Variants in SLC6A16 observed in about 807,000 individuals in gnomAD.
SLC6A16 encodes the protein solute carrier family 6 member 16.
A neutral mutation model predicts 65.4 loss-of-function variants in SLC6A16; 54 were observed. The ratio of observed to expected loss-of-function variants is 0.83; its 90% confidence interval spans 0.66 to 1.04. SLC6A16 has a LOEUF of 1.04. Ranked by LOEUF, SLC6A16 falls within the 50% of genes least tolerant of loss-of-function variation. The pLI is 0.00. For synonymous variants in SLC6A16, 330 were observed against 346.5 expected (o/e 0.95, Z 0.53); for missense variants, 816 against 914.0 (o/e 0.89, Z 1.38).
At chr19:49,321,457 C>T (rs1484766042) in intron 1 of SLC6A16, among the ~76,000 whole-genome samples, 1 of 151,810 alleles carries the variant, frequency 6.6e-6, no homozygotes, top group African/African-American at 2.4e-5. Context: ...AGCCTGGGGC[C>T]AGGTGCAGTG....
rs763446114 is a variant in SLC6A16, at chr19:49,309,801, G to A, written c.726C>T (p.Pro242=). The change falls in exon 5 of 12, where the codon CCC becomes CCT. Residue 242 remains proline (P), a synonymous_variant. Coordinates refer to ENST00000335875, the MANE Select transcript of SLC6A16 (RefSeq NM_014037.3). The part of the protein sequence containing the change: ...GFDPECERTT[P]SIYFWYQQAL... ...CCTGCTGGTACCAGAAGTATATGGA[G>A]GGTGTTGTCCGTTCACATTCAGGAT... The A allele has an allele frequency of 1.9e-5, 31 of 1,613,476 alleles. No homozygotes were observed. Among genetic ancestry groups the A allele is most frequent in the Non-Finnish European group, 2.5e-5 (29 of 1,179,500 alleles).
At chr19:49,301,608 C>G (rs960834658) in intron 7 of SLC6A16, among the ~76,000 whole-genome samples, 2 of 152,244 alleles carry the variant, frequency 1.3e-5, no homozygotes, top group Non-Finnish European at 1.5e-5. Context: ...AGGAACCAAG[C>G]AGCTTTCACA....
intron 8 of SLC6A16, 57 bp from the exon 9 acceptor site, chr19:49,294,085 A>T (rs1432445601): frequency 5.6e-6 from 8 of 1,436,700 alleles, no homozygotes; most frequent in Non-Finnish European, 7.7e-6. Context: ...TAACAAAAAA[A>T]TATAGACAAG....
intron 1 of SLC6A16, among the ~76,000 whole-genome samples, chr19:49,312,327 G>C (rs547956863): frequency 7.1e-4 from 108 of 152,260 alleles, no homozygotes; most frequent in African/African-American, 2.5e-3. Flanking sequence ...TCAGATCTCT[G>C]CTCAAATATA....
At chr19:49,295,364 C>T (rs537987057) in intron 7 of SLC6A16, among the ~76,000 whole-genome samples, 1 of 125,624 alleles carries the variant, frequency 8.0e-6, no homozygotes, top group East Asian at 2.5e-4. Context: ...TGGGCGACAG[C>T]GAGACTCCAT....
At chr19:49,299,625 G>A (rs1413150427) in intron 7 of SLC6A16, among the ~76,000 whole-genome samples, 4 of 145,188 alleles carry the variant, frequency 2.8e-5, no homozygotes, top group African/African-American at 1.0e-4. Context: ...AAAAGGCACT[G>A]CCAAGCTAGC....
At chr19:49,338,739 C>T in the SLC6A16 span, 3 of 1,613,052 alleles carry the variant, frequency 1.9e-6, no homozygotes. The surrounding 1 kb of genome is among the most constrained non-coding windows in gnomAD (Gnocchi z 5.0). Flanking sequence ...GGACTGGTTC[C>T]AAGTCCTCAT....
chr19:49,321,650 C>T (rs1600654105), intron 1 of SLC6A16, among the ~76,000 whole-genome samples: 1 of 152,100 alleles, frequency 6.6e-6, no homozygotes, highest in South Asian at 2.1e-4. Flanking sequence ...GCTGGAGAAT[C>T]GCTTGAACCT....
At chr19:49,332,380 C>A in the SLC6A16 span, 1 of 428,544 alleles carries the variant, frequency 2.3e-6, no homozygotes, top group South Asian at 1.6e-5. Context: ...GATGGTGAAA[C>A]CCCATCTCTA....
chr19:49,335,373 CG>C, the SLC6A16 span: 1 of 630,310 alleles, frequency 1.6e-6, no homozygotes, highest in Admixed American at 2.8e-5. The surrounding 1 kb of genome is among the most constrained non-coding windows in gnomAD (Gnocchi z 4.6). Flanking sequence ...TTACATGAAG[CG>C]GGAGTGGGTG....
intron 1 of SLC6A16, among the ~76,000 whole-genome samples, chr19:49,320,313 CA>C (rs1970688267): frequency 6.6e-6 from 1 of 151,720 alleles, no homozygotes; most frequent in African/African-American, 2.4e-5. Context: ...GAGGCTGAGG[CA>C]GGAGAATCGC....
In SLC6A16 at chr19:49,293,902, C is replaced by G; in HGVS notation, c.1543G>C (p.Gly515Arg). The G allele has an allele frequency of 6.2e-7, 1 of 1,614,008 alleles. No homozygotes were observed. Among genetic ancestry groups the G allele is most frequent in the Non-Finnish European group, 8.5e-7 (1 of 1,180,010 alleles). Residue 515 changes from glycine (G) to arginine (R), a missense_variant, in exon 9 of 12, where the codon GGG becomes CGG. Gly to Arg is a moderately radical substitution (Grantham distance 125, BLOSUM62 -2). Coordinates refer to ENST00000335875, the MANE Select transcript of SLC6A16 (RefSeq NM_014037.3). The part of the protein sequence containing the change: ...LLAMGLSSAI[G>R]IMQGIITPLQ... ...GGAGTAATGATGCCCTGCATAATCC[C>G]TATTGCGCTGCTCAGCCCCATGGCC... is the stretch of plus-strand genomic sequence containing the variant.
At chr19:49,291,043 T>C (rs1174303341) in intron 10 of SLC6A16, among the ~76,000 whole-genome samples, 1 of 152,140 alleles carries the variant, frequency 6.6e-6, no homozygotes, top group Admixed American at 6.5e-5. Flanking sequence ...ATCCCATAAA[T>C]ATGAGAATGT....
At chr19:49,297,032 T>C (rs1442536148) in intron 7 of SLC6A16, among the ~76,000 whole-genome samples, 1 of 152,078 alleles carries the variant, frequency 6.6e-6, no homozygotes, top group African/African-American at 2.4e-5. Flanking sequence ...AACAGAACTG[T>C]CTGAGGATGT....
At chr19:49,331,654 T>C in the SLC6A16 span, 2 of 423,662 alleles carry the variant, frequency 4.7e-6, no homozygotes, top group Non-Finnish European at 9.6e-6. Context: ...CCAAGGATAA[T>C]TCTCAGCTTC....
intron 1 of SLC6A16, among the ~76,000 whole-genome samples, chr19:49,322,982 A>T (rs982869475): frequency 6.6e-6 from 1 of 151,918 alleles, no homozygotes; most frequent in Non-Finnish European, 1.5e-5. Context: ...ATTTCAAAAC[A>T]TATTACAAAG....
chr19:49,340,247 A>G, the SLC6A16 span: 4 of 1,611,742 alleles, frequency 2.5e-6, no homozygotes, highest in Non-Finnish European at 3.4e-6. Flanking sequence ...TCCTTTCTCT[A>G]TAGCTCGGGT....
In SLC6A16 at chr19:49,297,619, A is replaced by G. The variant is rs541163377; in HGVS notation, c.1230-3066T>C. Among the ~76,000 whole-genome samples the G allele has an allele frequency of 3.3e-5, 5 of 152,364 alleles. 1 individual carries two copies. The East Asian group carries it at 9.6e-4, about 29-fold the overall frequency. ...CCAAGAGAAATGAAAACATATGTCC[A>G]TACAAGGACTTGTACATGAACTCTC... On this transcript the variant is annotated intron_variant, in intron 7 of 11. Coordinates refer to ENST00000335875, the MANE Select transcript of SLC6A16 (RefSeq NM_014037.3).
intron 1 of SLC6A16, among the ~76,000 whole-genome samples, chr19:49,318,190 A>G (rs1474616850): frequency 6.6e-6 from 1 of 152,212 alleles, no homozygotes; most frequent in Non-Finnish European, 1.5e-5. Context: ...AATTCCAAGG[A>G]AAGAAAAGTA....
Sources: gnomAD v4.1 joint callset for allele counts (sites outside exome capture counted in the v4.1 genomes callset) on GRCh38, gnomAD v4.1.1 for gene constraint, Gnocchi (gnomAD v3.1) non-coding constraint, MANE v1.5 for transcripts, NCBI Gene and HGNC (gene_info 2026-07-23, HGNC 2026-07-21) for gene names.